SSBP2: variants seen among roughly 807,000 people sequenced by gnomAD.
SSBP2 encodes the protein single stranded DNA binding protein 2.
A neutral mutation model predicts 61.8 loss-of-function variants in SSBP2; 17 were observed. That is an observed-to-expected ratio of 0.28 (90% confidence interval 0.19 to 0.41). The LOEUF is 0.41. SSBP2 is among the 10% of genes least tolerant of loss of function. The pLI is 1.00. For missense variants in SSBP2, 310 were observed against 458.7 expected, an observed-to-expected ratio of 0.68 and a Z score of 2.96; for synonymous variants, 139 against 141.3, an observed-to-expected ratio of 0.98 and a Z score of 0.12.
At chr5:81,701,659 C>A (rs918003470) in intron 1 of SSBP2, among the ~76,000 whole-genome samples, 3 of 152,094 alleles carry the variant, frequency 2.0e-5, no homozygotes, top group South Asian at 2.1e-4. Context: ...TTTTATAAGG[C>A]CTTTTATTTT....
At chr5:81,581,483 A>T (rs1774642727) in intron 4 of SSBP2, among the ~76,000 whole-genome samples, 1 of 152,222 alleles carries the variant, frequency 6.6e-6, no homozygotes, top group African/African-American at 2.4e-5. Context: ...TAAGAACAAG[A>T]ATAACTCTAA....
At chr5:81,534,737 AT>A (rs1350637117) in intron 4 of SSBP2, among the ~76,000 whole-genome samples, 1 of 152,090 alleles carries the variant, frequency 6.6e-6, no homozygotes. Flanking sequence ...AAGTGTAAAT[AT>A]GTGTAATGGA....
chr5:81,636,115 C>A (rs1385678428), intron 3 of SSBP2, among the ~76,000 whole-genome samples: 3 of 152,112 alleles, frequency 2.0e-5, no homozygotes, highest in Non-Finnish European at 4.4e-5. Flanking sequence ...TAAGCAAAGA[C>A]ACAAACAGCT....
At chr5:81,744,236 A>C (rs114834986) in intron 1 of SSBP2, among the ~76,000 whole-genome samples, 3,387 of 152,324 alleles carry the variant, frequency 0.022, 124 homozygotes, top group African/African-American at 0.077. Context: ...TTTTACAAAA[A>C]ATATTCACTT....
Position 81,547,036 on chromosome 5 carries a change from C to CAAAAAAAAAA in SSBP2, c.283-33329_283-33320dup, listed in dbSNP as rs61254614. The stretch of plus-strand genomic sequence containing the variant: ...TTTATAGTAAAGGGCAAATCTTGGC[C>CAAAAAAAAAA]AAAAAAAAAAAAAAAAAAAAAGTCT... On this transcript the variant is annotated intron_variant, in intron 4 of 16. Transcript: ENST00000320672. 2.4e-3 allele frequency among the ~76,000 whole-genome samples: 130 copies of CAAAAAAAAAA among 53,850 alleles called. 13 individuals are homozygous for CAAAAAAAAAA. The highest frequency in any genetic ancestry group is 0.012 in the African/African-American group (85 of 7,372). 35.3% of individuals were successfully genotyped at this position (53,850 alleles called of 152,430 possible).
chr5:81,525,897 T>C (rs1769894865), intron 4 of SSBP2, among the ~76,000 whole-genome samples: 1 of 152,050 alleles, frequency 6.6e-6, no homozygotes, highest in South Asian at 2.1e-4. Flanking sequence ...AGCACTTCTA[T>C]TTAAGAAGTT....
intron 10 of SSBP2, among the ~76,000 whole-genome samples, chr5:81,451,339 A>G (rs577810936): frequency 5.2e-4 from 79 of 152,238 alleles, no homozygotes; most frequent in Middle Eastern, 3.4e-3. Context: ...TAGGAAAAAA[A>G]AAAACTTTGT....
chr5:81,639,311 G>T (rs985182007), intron 2 of SSBP2, among the ~76,000 whole-genome samples: 1 of 152,088 alleles, frequency 6.6e-6, no homozygotes, highest in Non-Finnish European at 1.5e-5. Context: ...TTAAAACAAG[G>T]TCAATATCTC....
intron 4 of SSBP2, among the ~76,000 whole-genome samples, chr5:81,560,085 T>C (rs1213004252): frequency 1.3e-5 from 2 of 152,290 alleles, no homozygotes; most frequent in Non-Finnish European, 2.9e-5. Context: ...TAAACTATAT[T>C]AAATAACAGA....
At chr5:81,591,943 T>G (rs528688431) in intron 4 of SSBP2, among the ~76,000 whole-genome samples, 1 of 152,318 alleles carries the variant, frequency 6.6e-6, no homozygotes, top group South Asian at 2.1e-4. Flanking sequence ...CATTTCCAAC[T>G]GAGGTACCGG....
rs1395738424 is a variant in SSBP2, at chr5:81,467,017, G to A, written c.595C>T (p.Pro199Ser). 1 of 1,610,322 alleles carries A rather than the reference G, an allele frequency of 6.2e-7. No individual in the cohort carries two copies. Among genetic ancestry groups the A allele is most frequent in the Non-Finnish European group, 8.5e-7 (1 of 1,177,498 alleles). ...CCAGGGCCACCTAAAGCATTCAGTG[G>A]GGGTCTCATTGCACCTCCATAGTTC... Residue 199 changes from proline (P) to serine (S), a missense_variant, in exon 9 of 17, where the codon CCA (proline) becomes TCA (serine). By Grantham distance (74) the Pro-to-Ser change is moderately conservative. Transcript: ENST00000320672.
chr5:81,744,942 G>A (rs1203641281), intron 1 of SSBP2, among the ~76,000 whole-genome samples: 1 of 151,996 alleles, frequency 6.6e-6, no homozygotes, highest in Non-Finnish European at 1.5e-5. Context: ...TATTAATTAT[G>A]CCACTGCATT....
chr5:81,533,423 A>G (rs1350119423), intron 4 of SSBP2, among the ~76,000 whole-genome samples: 1 of 152,090 alleles, frequency 6.6e-6, no homozygotes. Flanking sequence ...CCAGAAAAGG[A>G]AATGTAAGAA....
At chr5:81,582,684 C>T (rs1774748734) in intron 4 of SSBP2, among the ~76,000 whole-genome samples, 1 of 152,126 alleles carries the variant, frequency 6.6e-6, no homozygotes, top group Non-Finnish European at 1.5e-5. Flanking sequence ...AACTCCACCT[C>T]CCCAGTTCAA....
chr5:81,676,008 T>C (rs1010036105), intron 1 of SSBP2, among the ~76,000 whole-genome samples: 1 of 152,160 alleles, frequency 6.6e-6, no homozygotes, highest in Non-Finnish European at 1.5e-5. Flanking sequence ...TCCAACTCAA[T>C]GTGCTAAAAG....
At chr5:81,455,937 T>A (rs1764113794) in intron 10 of SSBP2, among the ~76,000 whole-genome samples, 1 of 152,188 alleles carries the variant, frequency 6.6e-6, no homozygotes, top group South Asian at 2.1e-4. Flanking sequence ...GGCAGAGAAG[T>A]AACTAGAGGA....
intron 4 of SSBP2, among the ~76,000 whole-genome samples, chr5:81,556,750 G>C (rs1331442155): frequency 6.6e-6 from 1 of 152,022 alleles, no homozygotes. Context: ...TTGTCAAATT[G>C]CATGAGTTCA....
At chr5:81,739,042 G>A (rs1756818611) in intron 1 of SSBP2, among the ~76,000 whole-genome samples, 1 of 151,618 alleles carries the variant, frequency 6.6e-6, no homozygotes, top group African/African-American at 2.4e-5. Context: ...GTGCACGCCT[G>A]TAGTCCCAGC....
chr5:81,592,366 C>T (rs1430191388), intron 4 of SSBP2, among the ~76,000 whole-genome samples: 1 of 152,202 alleles, frequency 6.6e-6, no homozygotes, highest in East Asian at 1.9e-4. Context: ...GTGGAGCCCA[C>T]CACAGCTCAA....
Sources: gnomAD v4.1 joint callset for allele counts (sites outside exome capture counted in the v4.1 genomes callset) on GRCh38, gnomAD v4.1.1 for gene constraint, MANE v1.5 for transcripts, NCBI Gene and HGNC (gene_info 2026-07-23, HGNC 2026-07-21) for gene names.